Variants in NTM observed in about 807,000 individuals in gnomAD.
NTM encodes IgLON family member 2.
A neutral mutation model predicts 42.1 loss-of-function variants in NTM; 13 were observed. That is an observed-to-expected ratio of 0.31 (90% CI 0.20 to 0.49). NTM has a LOEUF of 0.49. Ranked by LOEUF, NTM falls within the 20% of genes least tolerant of loss-of-function variation. The pLI is 0.99. For synonymous variants in NTM, 187 were observed against 179.2 expected, an observed-to-expected ratio of 1.04 and a Z score of -0.35; for missense variants, 373 against 452.8, an observed-to-expected ratio of 0.82 and a Z score of 1.60.
At chr11:131,822,610 G>A (rs1222773258) in intron 1 of NTM, among the ~76,000 whole-genome samples, 1 of 152,016 alleles carries the variant, frequency 6.6e-6, no homozygotes, top group African/African-American at 2.4e-5. Flanking sequence ...CAACTGATAA[G>A]GGGAAGGAAG....
intron 2 of NTM, among the ~76,000 whole-genome samples, chr11:132,113,506 G>C (rs1366590788): frequency 6.6e-6 from 1 of 152,118 alleles, no homozygotes; most frequent in African/African-American, 2.4e-5. Flanking sequence ...CATTAGGATG[G>C]AAGACCCCGA....
intron 2 of NTM, among the ~76,000 whole-genome samples, chr11:132,061,581 G>T (rs147421106): frequency 2.4e-4 from 37 of 152,230 alleles, no homozygotes; most frequent in Non-Finnish European, 3.5e-4. Context: ...AACCGGAGAG[G>T]GATAATGCAT....
chr11:132,167,157 C>T (rs1036165170), intron 3 of NTM, among the ~76,000 whole-genome samples: 1 of 152,202 alleles, frequency 6.6e-6, no homozygotes, highest in Middle Eastern at 3.4e-3. Flanking sequence ...ATATGACTGG[C>T]ATGTACAATG....
At chr11:132,220,095 CA>C (rs1387108544) in intron 4 of NTM, among the ~76,000 whole-genome samples, 10 of 151,826 alleles carry the variant, frequency 6.6e-5, no homozygotes, top group Non-Finnish European at 1.5e-4. Flanking sequence ...GGTGGGAGAA[CA>C]AAAAAATAAT....
intron 3 of NTM, among the ~76,000 whole-genome samples, chr11:132,176,058 A>G (rs1370543880): frequency 1.3e-5 from 2 of 152,184 alleles, no homozygotes; most frequent in African/African-American, 4.8e-5. Flanking sequence ...CTTGACACTA[A>G]AGAAAGGTTC....
intron 4 of NTM, among the ~76,000 whole-genome samples, chr11:132,252,274 T>C (rs544312330): frequency 6.6e-6 from 1 of 152,156 alleles, no homozygotes; most frequent in Non-Finnish European, 1.5e-5. Flanking sequence ...CTTTATCAGC[T>C]CTACCATCCT....
chr11:132,191,899 G>A (rs975232040), intron 3 of NTM, among the ~76,000 whole-genome samples: 2 of 152,100 alleles, frequency 1.3e-5, no homozygotes, highest in African/African-American at 4.8e-5. Flanking sequence ...CAACAGAATA[G>A]ATCAAGCTGA....
chr11:131,789,547 A>AAAG lies in NTM; in HGVS notation c.83-121930_83-121928dup, dbSNP rs71067336. On this transcript the variant is annotated intron_variant, in intron 1 of 8. Coordinates refer to ENST00000683400, the MANE Select transcript of NTM (RefSeq NM_001352005.2). ...AAGAAGAAGAAGAAGAAGAAGAAGAAAAGAAGAAGAAGAAGAAGAAGAAGA... is the reference window on the plus strand; with the variant it reads ...AAGAAGAAGAAGAAGAAGAAGAAGAAAAGAAGAAGAAGAAGAAGAAGAAGAAGA... Among the ~76,000 whole-genome samples the AAAG allele has an allele frequency of 4.1e-3, 21 of 5,110 alleles. 1 individual carries two copies. The highest frequency in any genetic ancestry group is 6.5e-3 in the East Asian group (1 of 154). 3.4% of individuals were successfully genotyped at this position (5,110 alleles called of 152,430 possible). A position where few individuals can be genotyped will look rare whatever the true frequency, so the allele number is the denominator to read the frequency against.
chr11:132,123,729 G>A (rs1296140005), intron 2 of NTM, among the ~76,000 whole-genome samples: 1 of 152,182 alleles, frequency 6.6e-6, no homozygotes, highest in Non-Finnish European at 1.5e-5. Context: ...TGTGCTAAAG[G>A]CATCAACAGC....
intron 1 of NTM, among the ~76,000 whole-genome samples, chr11:131,592,617 TC>T (rs2059460457): frequency 1.5e-5 from 2 of 137,094 alleles, no homozygotes; most frequent in East Asian, 4.4e-4. Context: ...CCTATTCACC[TC>T]CCCAACACAA....
intron 4 of NTM, among the ~76,000 whole-genome samples, chr11:132,229,733 G>A (rs1158805497): frequency 6.6e-6 from 1 of 152,126 alleles, no homozygotes; most frequent in Non-Finnish European, 1.5e-5. Context: ...ATCATGTCAT[G>A]TTATATGGCC....
At chr11:132,101,296 G>A (rs895626870) in intron 2 of NTM, among the ~76,000 whole-genome samples, 1 of 152,128 alleles carries the variant, frequency 6.6e-6, no homozygotes, top group Non-Finnish European at 1.5e-5. Context: ...TGGCTGAGCA[G>A]CAGCCATTTC....
intron 2 of NTM, among the ~76,000 whole-genome samples, chr11:132,139,029 C>T (rs1051597593): frequency 6.6e-6 from 1 of 152,152 alleles, no homozygotes; most frequent in African/African-American, 2.4e-5. Context: ...CAGATGGAGT[C>T]CAGCGTGAAT....
At chr11:131,666,741 C>T (rs545425800) in intron 1 of NTM, among the ~76,000 whole-genome samples, 19 of 152,244 alleles carry the variant, frequency 1.2e-4, no homozygotes, top group South Asian at 4.1e-4. Context: ...GCAACAGAGA[C>T]GTCCAGGGTC....
intron 1 of NTM, among the ~76,000 whole-genome samples, chr11:131,803,370 G>A (rs1414515574): frequency 2.0e-5 from 3 of 151,702 alleles, no homozygotes; most frequent in African/African-American, 7.3e-5. Flanking sequence ...GTACAGTGGT[G>A]CAATCTTGGC....
rs556408741 is a variant in NTM at position 131,912,433 on chromosome 11, T to C, written c.167+785T>C. ...CACTGGGGGAGGAGAAGAAGAAGAA[T>C]CTTGGTTATGCTTTGTGTAAGGTAG... On this transcript the variant is annotated intron_variant, in intron 2 of 8. Coordinates refer to ENST00000683400, the MANE Select transcript of NTM (RefSeq NM_001352005.2). Among the ~76,000 whole-genome samples the C allele has an allele frequency of 2.0e-5, 3 of 152,284 alleles. No individual in the cohort carries two copies. In the East Asian group the frequency reaches 5.8e-4, roughly 29 times the overall value.
rs189576527 is a variant in NTM, at chr11:131,754,351, G to A, written c.83-157213G>A. Among the ~76,000 whole-genome samples, 5 of 152,094 alleles carry A rather than the reference G, an allele frequency of 3.3e-5. No individual in the cohort carries two copies. The South Asian group carries it at 6.2e-4, about 19-fold the overall frequency. Reference sequence around the variant, plus strand: ...TAAAGTTAAATACATGGGGCTGGGCGTGGTGGTGTGTGCCTGTAATCCCAG... The same window carrying A: ...TAAAGTTAAATACATGGGGCTGGGCATGGTGGTGTGTGCCTGTAATCCCAG... On this transcript the variant is annotated intron_variant, in intron 1 of 8. Coordinates refer to ENST00000683400, the MANE Select transcript of NTM (RefSeq NM_001352005.2).
chr11:131,708,225 G>GA (rs1431805289), intron 1 of NTM, among the ~76,000 whole-genome samples: 11 of 151,882 alleles, frequency 7.2e-5, no homozygotes, highest in Non-Finnish European at 1.2e-4. Context: ...TTCCTAATAA[G>GA]AAAAAACATG....
At chr11:132,217,977 T>A (rs1450031832) in intron 4 of NTM, among the ~76,000 whole-genome samples, 1 of 152,014 alleles carries the variant, frequency 6.6e-6, no homozygotes, top group African/African-American at 2.4e-5. Flanking sequence ...GCACTAGAGG[T>A]ATCACAGCTT....
Sources: allele counts gnomAD v4.1 joint callset (sites outside exome capture counted in the v4.1 genomes callset), GRCh38; gene constraint gnomAD v4.1.1; transcripts MANE v1.5; gene names NCBI Gene and HGNC (gene_info 2026-07-23, HGNC 2026-07-21).